Variants in CNTNAP5 observed in about 807,000 individuals in gnomAD.
CNTNAP5 encodes the protein contactin-associated protein-like 5.
Under a neutral mutation model 150.2 loss-of-function variants are expected in CNTNAP5, and 72 were observed. The observed-to-expected ratio is 0.48, with a 90% CI of 0.40 to 0.58. The LOEUF is 0.58. Among genes scored for constraint, CNTNAP5 ranks in the 20% least tolerant of loss-of-function variants. The pLI, the probability that CNTNAP5 is intolerant of heterozygous loss-of-function variation, is 0.00. For synonymous variants in CNTNAP5, 672 were observed against 619.8 expected (o/e 1.08, Z -1.25); for missense variants, 1,636 against 1,626.2 (o/e 1.01, Z -0.10).
intron 3 of CNTNAP5, among the ~76,000 whole-genome samples, chr2:124,361,957 C>T (rs1036777342): frequency 1.1e-4 from 16 of 152,272 alleles, no homozygotes; most frequent in African/African-American, 2.9e-4. Flanking sequence ...TAGCAATCAG[C>T]GAGACTTCGT....
intron 1 of CNTNAP5, among the ~76,000 whole-genome samples, chr2:124,130,273 A>G (rs1414947604): frequency 6.6e-6 from 1 of 152,026 alleles, no homozygotes; most frequent in African/African-American, 2.4e-5. Context: ...GAACAGGAGA[A>G]GGAATGAGAA....
At chr2:124,546,681 G>C (rs1695518953) in intron 10 of CNTNAP5, among the ~76,000 whole-genome samples, 6 of 152,136 alleles carry the variant, frequency 3.9e-5, no homozygotes, top group Admixed American at 2.6e-4. Context: ...GCAGACATTA[G>C]CCTTCACTTT....
chr2:124,361,024 C>T (rs1410014068), intron 3 of CNTNAP5, among the ~76,000 whole-genome samples: 1 of 126,326 alleles, frequency 7.9e-6, no homozygotes, highest in Non-Finnish European at 1.7e-5. Context: ...ATTCTTTTTT[C>T]TCTAAACTTC....
At chr2:124,153,832 A>G (rs1470840838) in intron 1 of CNTNAP5, among the ~76,000 whole-genome samples, 2 of 151,820 alleles carry the variant, frequency 1.3e-5, no homozygotes, top group African/African-American at 4.8e-5. Context: ...AGGCTAGTCT[A>G]GAACTCCTGA....
chr2:124,035,118 G>C (rs1328309728), intron 1 of CNTNAP5, among the ~76,000 whole-genome samples: 1 of 149,052 alleles, frequency 6.7e-6, no homozygotes, highest in Non-Finnish European at 1.5e-5. Context: ...CAAAACACTT[G>C]ATAAGAAGAA....
chr2:124,097,688 G>T (rs1682966720), intron 1 of CNTNAP5, among the ~76,000 whole-genome samples: 2 of 152,106 alleles, frequency 1.3e-5, no homozygotes, highest in African/African-American at 4.8e-5. Flanking sequence ...CTTGGACATC[G>T]CAGGGTTTGG....
intron 5 of CNTNAP5, 61 bp from the exon 6 acceptor site, chr2:124,446,692 T>G (rs1692824756): frequency 6.6e-7 from 1 of 1,521,076 alleles, no homozygotes. Context: ...TGTGGAGCAT[T>G]CTGGTGTGCA....
At chr2:124,764,245 A>G (rs1217011516) in intron 16 of CNTNAP5, 98 bp downstream of exon 16, 1 of 894,960 alleles carries the variant, frequency 1.1e-6, no homozygotes, top group African/African-American at 1.7e-5. Context: ...GTACCAGCAA[A>G]TTAATCTCAC....
At chr2:124,769,213 A>G (rs1225222209) in intron 16 of CNTNAP5, among the ~76,000 whole-genome samples, 1 of 152,148 alleles carries the variant, frequency 6.6e-6, no homozygotes, top group Non-Finnish European at 1.5e-5. Flanking sequence ...AACATCATGC[A>G]GGAGTCTTCT....
At chr2:124,445,499 G>A (rs984348195) in intron 5 of CNTNAP5, among the ~76,000 whole-genome samples, 4 of 152,204 alleles carry the variant, frequency 2.6e-5, no homozygotes, top group Admixed American at 6.5e-5. Flanking sequence ...AAACTCAGAA[G>A]TTGTGGAACA....
At chr2:124,398,401 G>T (rs1167908623) in intron 3 of CNTNAP5, among the ~76,000 whole-genome samples, 1 of 152,160 alleles carries the variant, frequency 6.6e-6, no homozygotes, top group Non-Finnish European at 1.5e-5. Flanking sequence ...GTAACAGAAG[G>T]AGAACACGGA....
At position 124,163,576 on chromosome 2, in the gene CNTNAP5, C is replaced by T. The variant is rs142966781; in HGVS notation, c.83-58129C>T. 2.0e-4 allele frequency among the ~76,000 whole-genome samples: 31 copies of T among 152,208 alleles called. No homozygotes were observed. In the East Asian group the frequency reaches 5.2e-3, roughly 26 times the overall value. On this transcript the variant is annotated intron_variant, in intron 1 of 23. Coordinates refer to ENST00000682447, the MANE Select transcript of CNTNAP5 (RefSeq NM_001367498.1). ...TTGAACAACAAAAAATGCTAACTAC[C>T]TTCCTCCCCTAAAGGTCAATACAAG... is the stretch of plus-strand genomic sequence containing the variant.
chr2:124,271,443 G>GA (rs1316225321), intron 3 of CNTNAP5, among the ~76,000 whole-genome samples: 2 of 152,028 alleles, frequency 1.3e-5, no homozygotes, highest in Admixed American at 1.3e-4. Flanking sequence ...GAAGGCAAGA[G>GA]AAAAAGGTGG....
At chr2:124,235,211 G>A (rs1043845563) in intron 2 of CNTNAP5, among the ~76,000 whole-genome samples, 4 of 152,098 alleles carry the variant, frequency 2.6e-5, no homozygotes, top group Non-Finnish European at 4.4e-5. Flanking sequence ...TCTGACACTC[G>A]CTGAGTTGAG....
At chr2:124,578,120 G>C (rs543618745) in intron 11 of CNTNAP5, among the ~76,000 whole-genome samples, 1 of 141,698 alleles carries the variant, frequency 7.1e-6, no homozygotes, top group Non-Finnish European at 1.5e-5. Context: ...GACCAGCCTG[G>C]CCAACATGGT....
chr2:124,080,649 T>TA (rs1465708264), intron 1 of CNTNAP5, among the ~76,000 whole-genome samples: 1 of 152,184 alleles, frequency 6.6e-6, no homozygotes, highest in Non-Finnish European at 1.5e-5. Context: ...ATCCATTCTA[T>TA]AAAAAATGCT....
intron 1 of CNTNAP5, among the ~76,000 whole-genome samples, chr2:124,170,182 C>T (rs1001070461): frequency 8.6e-5 from 13 of 152,008 alleles, no homozygotes; most frequent in African/African-American, 3.1e-4. Context: ...TAAAGAGAGG[C>T]AGGCAGCATA....
chr2:124,698,725 A>G (rs899803569), intron 13 of CNTNAP5, among the ~76,000 whole-genome samples: 6 of 152,122 alleles, frequency 3.9e-5, no homozygotes, highest in Admixed American at 6.5e-5. Context: ...TGAGAGATGT[A>G]GGCCAAAGCC....
intron 1 of CNTNAP5, among the ~76,000 whole-genome samples, chr2:124,093,974 A>C (rs909481056): frequency 6.6e-6 from 1 of 152,248 alleles, no homozygotes; most frequent in African/African-American, 2.4e-5. Context: ...AAATTTGCTC[A>C]TTTGGGCACC....
Sources: allele counts gnomAD v4.1 joint callset (sites outside exome capture counted in the v4.1 genomes callset), GRCh38; gene constraint gnomAD v4.1.1; transcripts MANE v1.5; gene names NCBI Gene and HGNC (gene_info 2026-07-23, HGNC 2026-07-21).